Variants in SLIT3 observed in about 807,000 individuals in gnomAD.
The protein encoded by SLIT3 is slit guidance ligand 3.
Under a neutral mutation model 184.0 loss-of-function variants are expected in SLIT3, and 68 were observed. The observed-to-expected ratio is 0.37, with a 90% confidence interval of 0.30 to 0.45. The LOEUF is 0.45. SLIT3 is among the 20% of genes least tolerant of loss of function. The pLI, the probability that SLIT3 is intolerant of heterozygous loss-of-function variation, is 1.00. For missense variants in SLIT3, 1,707 were observed against 2,026.0 expected (o/e 0.84, Z 3.02); for synonymous variants, 831 against 828.6 (o/e 1.00, Z -0.05).
At chr5:169,135,453 T>C (rs1217143912) in intron 4 of SLIT3, among the ~76,000 whole-genome samples, 1 of 152,180 alleles carries the variant, frequency 6.6e-6, no homozygotes, top group Non-Finnish European at 1.5e-5. Context: ...TCTCTTTTCC[T>C]GGGTTCATAA....
chr5:169,065,131 C>A (rs910954002), intron 4 of SLIT3, among the ~76,000 whole-genome samples: 1 of 152,154 alleles, frequency 6.6e-6, no homozygotes, highest in Admixed American at 6.5e-5. Flanking sequence ...CAAAGCGAAA[C>A]CTGCAGATAC....
chr5:168,663,527 G>A lies in SLIT3; in HGVS notation c.*2927C>T, dbSNP rs114066092. ...CTGCCACAGCTCTCTTCCTAAACCA[G>A]AGCTTGTCTTGCTCTTCCCTTCCTC... On this transcript the variant is annotated 3_prime_UTR_variant, in exon 36 of 36. Coordinates refer to ENST00000519560, the MANE Select transcript of SLIT3 (RefSeq NM_003062.4). The A allele has an allele frequency of 0.014, 2,093 of 152,342 alleles. 27 individuals carry two copies. Among genetic ancestry groups the A allele is most frequent in the Non-Finnish European group, 0.022 (1,526 of 68,110 alleles). 9.4% of individuals were successfully genotyped at this position (152,342 alleles called of 1,614,324 possible).
At chr5:169,176,285 GTT>G (rs1762981457) in intron 4 of SLIT3, among the ~76,000 whole-genome samples, 1 of 152,148 alleles carries the variant, frequency 6.6e-6, no homozygotes, top group African/African-American at 2.4e-5. Context: ...AAACAGTGAG[GTT>G]TACCTGAAAG....
intron 4 of SLIT3, among the ~76,000 whole-genome samples, chr5:169,069,645 G>C (rs1228312741): frequency 3.3e-5 from 5 of 152,166 alleles, no homozygotes; most frequent in Non-Finnish European, 5.9e-5. Context: ...ACAGGTAGAG[G>C]CAATATTATG....
At chr5:169,155,028 A>T (rs1762253483) in intron 4 of SLIT3, among the ~76,000 whole-genome samples, 1 of 152,238 alleles carries the variant, frequency 6.6e-6, no homozygotes. Context: ...ATCAGATAGG[A>T]TGACAAAGTT....
intron 4 of SLIT3, among the ~76,000 whole-genome samples, chr5:169,161,437 G>T (rs1561706329): frequency 1.3e-5 from 2 of 152,148 alleles, no homozygotes; most frequent in Non-Finnish European, 2.9e-5. Context: ...CCTCCATGGG[G>T]GAGCTGCAAA....
intron 1 of SLIT3, among the ~76,000 whole-genome samples, chr5:169,293,399 C>T (rs997885343): frequency 3.4e-4 from 52 of 152,158 alleles, no homozygotes; most frequent in South Asian, 2.1e-4. Flanking sequence ...GACCAACCTT[C>T]GTGTGGTTGG....
chr5:168,784,750 C>T (rs557096919), intron 12 of SLIT3, among the ~76,000 whole-genome samples: 28 of 152,270 alleles, frequency 1.8e-4, no homozygotes, highest in African/African-American at 6.0e-4. Flanking sequence ...CCCTTTAGAG[C>T]CCCAGCTTGA....
At chr5:169,164,823 C>G (rs1165194393) in intron 4 of SLIT3, among the ~76,000 whole-genome samples, 1 of 152,218 alleles carries the variant, frequency 6.6e-6, no homozygotes, top group Non-Finnish European at 1.5e-5. Context: ...CCCAGGCTTC[C>G]CAGGCAAGGC....
chr5:168,942,604 C>T (rs543316303), intron 4 of SLIT3, among the ~76,000 whole-genome samples: 1 of 152,192 alleles, frequency 6.6e-6, no homozygotes, highest in Non-Finnish European at 1.5e-5. Flanking sequence ...CTGGCTTCTG[C>T]CCTAAACTTT....
At chr5:168,741,524 G>A (rs1258862099) in intron 20 of SLIT3, among the ~76,000 whole-genome samples, 13 of 149,872 alleles carry the variant, frequency 8.7e-5, no homozygotes, top group Non-Finnish European at 1.6e-4. Flanking sequence ...AGAGAGGAAT[G>A]CCTGCTACGG....
intron 4 of SLIT3, among the ~76,000 whole-genome samples, chr5:169,072,304 A>C (rs1160350231): frequency 2.0e-5 from 3 of 152,216 alleles, no homozygotes; most frequent in Non-Finnish European, 4.4e-5. Flanking sequence ...TCTTCAATGT[A>C]CTACTTTGTG....
In SLIT3 at chr5:168,664,426, T is replaced by C. The variant is rs1439398747; in HGVS notation, c.*2028A>G. 2.0e-5 allele frequency: 3 copies of C among 152,154 alleles called. No homozygotes were observed. Among genetic ancestry groups the C allele is most frequent in the Non-Finnish European group, 4.4e-5 (3 of 68,060 alleles). The allele number at this position is 152,154 out of a possible 1,614,324, so 9.4% of individuals were successfully genotyped here. On this transcript the variant is annotated 3_prime_UTR_variant, in exon 36 of 36. Coordinates refer to ENST00000519560, the MANE Select transcript of SLIT3 (RefSeq NM_003062.4). Reference sequence around the variant, plus strand: ...ATCATAAGGCACAGTACCTGGAACATAATGGAGATTTACATGCACATTTTT... The same window carrying C: ...ATCATAAGGCACAGTACCTGGAACACAATGGAGATTTACATGCACATTTTT...
At chr5:169,275,875 A>T (rs1477594346) in intron 1 of SLIT3, among the ~76,000 whole-genome samples, 1 of 152,114 alleles carries the variant, frequency 6.6e-6, no homozygotes, top group Non-Finnish European at 1.5e-5. Flanking sequence ...TGGAAGAGGG[A>T]AGTCATGGGT....
chr5:168,823,427 A>G, intron 6 of SLIT3, 96 bp from the exon 7 acceptor site: 1 of 842,996 alleles, frequency 1.2e-6, no homozygotes, highest in Non-Finnish European at 2.1e-6. Flanking sequence ...TTGTGACCGC[A>G]AGACCATGAG....
At chr5:168,817,633 C>T (rs908981568) in intron 7 of SLIT3, among the ~76,000 whole-genome samples, 170 bp from the exon 8 acceptor site, 1 of 152,218 alleles carries the variant, frequency 6.6e-6, no homozygotes, top group Non-Finnish European at 1.5e-5. Context: ...GGAGCCCCAA[C>T]CCTTTCATTG....
intron 4 of SLIT3, among the ~76,000 whole-genome samples, chr5:169,121,177 G>A (rs1465231511): frequency 6.6e-6 from 1 of 152,122 alleles, no homozygotes; most frequent in African/African-American, 2.4e-5. Flanking sequence ...CACCCCTCCA[G>A]GAGACATCAG....
chr5:169,095,546 G>GC (rs56658322), intron 4 of SLIT3, among the ~76,000 whole-genome samples: 9,972 of 152,264 alleles, frequency 0.065, 548 homozygotes, highest in Admixed American at 0.15. Flanking sequence ...CGAGGCTGGG[G>GC]CTCTGTCCAG....
chr5:168,888,888 A>C (rs1760328151), intron 4 of SLIT3, among the ~76,000 whole-genome samples: 2 of 152,198 alleles, frequency 1.3e-5, no homozygotes, highest in African/African-American at 2.4e-5. Flanking sequence ...GTAGGAGGAA[A>C]CCTGCCCATT....
Sources: allele counts gnomAD v4.1 joint callset (sites outside exome capture counted in the v4.1 genomes callset), GRCh38; gene constraint gnomAD v4.1.1; transcripts MANE v1.5; gene names NCBI Gene and HGNC (gene_info 2026-07-23, HGNC 2026-07-21).